The following LHX4 variants were observed in gnomAD, a reference collection of about 807,000 sequenced individuals.
The protein encoded by LHX4 is LIM/homeobox protein Lhx4.
LHX4 carries 16 observed loss-of-function variants against 39.2 expected under a neutral mutation model. The ratio of observed to expected loss-of-function variants is 0.41; its 90% CI spans 0.28 to 0.62. The LOEUF (loss-of-function observed/expected upper bound fraction) is 0.62. Among genes scored for constraint, LHX4 ranks in the 20% least tolerant of loss-of-function variants. The pLI, the probability that LHX4 is intolerant of heterozygous loss-of-function variation, is 0.33. For synonymous variants in LHX4, 206 were observed against 198.1 expected, an observed-to-expected ratio of 1.04 and a Z score of -0.33; for missense variants, 439 against 511.9, an observed-to-expected ratio of 0.86 and a Z score of 1.37.
intron 3 of LHX4, chr1:180,270,741 T>C (rs971461114): frequency 1.3e-5 from 2 of 157,064 alleles, no homozygotes; most frequent in Non-Finnish European, 2.8e-5. Flanking sequence ...TTTAATGAAA[T>C]GATCTTGCCA....
chr1:180,241,426 T>C (rs1047300891), intron 1 of LHX4, among the ~76,000 whole-genome samples: 6 of 152,192 alleles, frequency 3.9e-5, no homozygotes, highest in Admixed American at 3.9e-4. Context: ...TGATACACTT[T>C]ATAGACATGC....
At chr1:180,255,364 GCACA>G (rs71785064) in intron 2 of LHX4, among the ~76,000 whole-genome samples, 3 of 152,042 alleles carry the variant, frequency 2.0e-5, no homozygotes, top group East Asian at 1.9e-4. Context: ...ATGTATACAC[GCACA>G]CACACATGCA....
chr1:180,258,548 G>C (rs1186873086), intron 2 of LHX4, among the ~76,000 whole-genome samples: 1 of 152,198 alleles, frequency 6.6e-6, no homozygotes, highest in African/African-American at 2.4e-5. Flanking sequence ...GGGCGGAAGC[G>C]GGGAGACTGT....
At chr1:180,229,846 C>A (rs559231457), upstream of LHX4, among the ~76,000 whole-genome samples, 679 of 151,852 alleles carry the variant, frequency 4.5e-3, 7 homozygotes, top group African/African-American at 0.016. Flanking sequence ...CCACGAAGAC[C>A]CGCAAACCCA....
At chr1:180,238,436 G>C (rs922630671) in intron 1 of LHX4, among the ~76,000 whole-genome samples, 1 of 152,212 alleles carries the variant, frequency 6.6e-6, no homozygotes, top group African/African-American at 2.4e-5. Context: ...TAGATAAAAA[G>C]ACGTGAGTAC....
chr1:180,229,143 T>C (rs1007545976), upstream of LHX4, among the ~76,000 whole-genome samples: 3 of 152,222 alleles, frequency 2.0e-5, no homozygotes, highest in African/African-American at 7.2e-5. Flanking sequence ...TCCATGCATC[T>C]CGTAAATACA....
chr1:180,230,410 C>T lies in LHX4; in HGVS notation c.-120C>T, dbSNP rs355625. The T allele has an allele frequency of 6.2e-3, 5,311 of 857,602 alleles. 159 individuals are homozygous for T. The African/African-American group carries it at 0.073, about 12-fold the overall frequency. The allele number at this position is 857,602 out of a possible 1,614,324, so 53.1% of individuals were successfully genotyped here. A position where few individuals can be genotyped will look rare whatever the true frequency, so the allele number is the denominator to read the frequency against. ...CCCTGAGAAGCGGAGGGCCCGGCTT[C>T]CACCGTGACTCCAGCGGCCTGCTTG... On this transcript the variant is annotated 5_prime_UTR_variant, in exon 1 of 6. Coordinates refer to ENST00000263726, the MANE Select transcript of LHX4 (RefSeq NM_033343.4). The surrounding 1 kb of genome is among the most constrained non-coding windows in gnomAD (Gnocchi z 5.8).
intron 2 of LHX4, among the ~76,000 whole-genome samples, chr1:180,264,378 AACACACACACAC>A (rs10561933): frequency 2.3e-4 from 33 of 145,398 alleles, no homozygotes; most frequent in Middle Eastern, 3.6e-3. Flanking sequence ...ACACACACAT[AACACACACACAC>A]ACACACACAC....
rs1649076740 is a variant in LHX4 at position 180,276,991 on chromosome 1, C to T, written c.*2412C>T. The T allele has an allele frequency of 6.6e-6, 1 of 152,198 alleles. No homozygotes were observed. The highest frequency in any genetic ancestry group is 2.4e-5 in the African/African-American group (1 of 41,430). The allele number at this position is 152,198 out of a possible 1,614,324, so 9.4% of individuals were successfully genotyped here. ...AATATAATAAATCTCTTGAGGAACT[C>T]AGTGAGCAGTTGACGAGGTCAATAG... is the stretch of plus-strand genomic sequence containing the variant. On this transcript the variant is annotated 3_prime_UTR_variant, in exon 6 of 6. Transcript: ENST00000263726.
intron 2 of LHX4, among the ~76,000 whole-genome samples, chr1:180,253,174 C>T (rs183424676): frequency 2.6e-5 from 4 of 152,276 alleles, no homozygotes; most frequent in Non-Finnish European, 4.4e-5. Context: ...GCAATGACTC[C>T]TCGTGTCGCA....
chr1:180,249,723 G>C (rs1427027837), intron 2 of LHX4, among the ~76,000 whole-genome samples: 1 of 152,214 alleles, frequency 6.6e-6, no homozygotes, highest in Non-Finnish European at 1.5e-5. Flanking sequence ...GAATATCTGA[G>C]GATTCTCACA....
At chr1:180,239,783 C>T (rs1455939278) in intron 1 of LHX4, among the ~76,000 whole-genome samples, 1 of 152,180 alleles carries the variant, frequency 6.6e-6, no homozygotes, top group African/African-American at 2.4e-5. Context: ...ATGAGCTTGC[C>T]AATTTGAAAG....
At position 180,277,502 on chromosome 1, in the gene LHX4, C is replaced by T. The variant is rs1391987506; in HGVS notation, c.*2923C>T. On this transcript the variant is annotated 3_prime_UTR_variant, in exon 6 of 6. Coordinates refer to ENST00000263726, the MANE Select transcript of LHX4 (RefSeq NM_033343.4). ...ATCCAGGAGCAAATTAGTTAAAACCCCAAGTTCCAGTGGTAACTGGTATAA... is the reference window on the plus strand; with the variant it reads ...ATCCAGGAGCAAATTAGTTAAAACCTCAAGTTCCAGTGGTAACTGGTATAA... 6.6e-6 allele frequency: 1 copy of T among 152,122 alleles called. No homozygotes were observed. Among genetic ancestry groups the T allele is most frequent in the Non-Finnish European group, 1.5e-5 (1 of 68,032 alleles). The allele number at this position is 152,122 out of a possible 1,614,324, so 9.4% of individuals were successfully genotyped here.
rs1451085899 is a variant in LHX4, at chr1:180,278,192, G to GGCC, written c.*3613_*3614insGCC. On this transcript the variant is annotated 3_prime_UTR_variant, in exon 6 of 6. Transcript: ENST00000263726. ...GCCAGCAGGGTCTGGAAGGCCTGAG[G>GGCC]AGGCTCATTTTTAAACACTGCACTT... is the stretch of plus-strand genomic sequence containing the variant. The GGCC allele has an allele frequency of 6.6e-6, 1 of 152,156 alleles. No homozygotes were observed. Among genetic ancestry groups the GGCC allele is most frequent in the Non-Finnish European group, 1.5e-5 (1 of 68,032 alleles). 9.4% of individuals were successfully genotyped at this position (152,156 alleles called of 1,614,324 possible).
At chr1:180,257,592 T>C (rs904834299) in intron 2 of LHX4, among the ~76,000 whole-genome samples, 6 of 152,220 alleles carry the variant, frequency 3.9e-5, no homozygotes, top group African/African-American at 7.2e-5. Context: ...GTTGGAAATA[T>C]TGGTACATAC....
chr1:180,274,608 C>T lies in LHX4; in HGVS notation c.*29C>T. The T allele has an allele frequency of 6.5e-7, 1 of 1,528,496 alleles. No individual in the cohort carries two copies. The highest frequency in any genetic ancestry group is 8.8e-7 in the Non-Finnish European group (1 of 1,141,842). The allele number at this position is 1,528,496 out of a possible 1,614,324, so 94.7% of individuals were successfully genotyped here. On this transcript the variant is annotated 3_prime_UTR_variant, in exon 6 of 6. Coordinates refer to ENST00000263726, the MANE Select transcript of LHX4 (RefSeq NM_033343.4). ...TCTCTCCTCCCCACCCTACCTGCCC[C>T]CCTGGCTTGAGAGAATATCTTCAAG...
chr1:180,271,268 C>A, intron 3 of LHX4, 112 bp from the exon 4 acceptor site: 2 of 1,233,780 alleles, frequency 1.6e-6, no homozygotes, highest in South Asian at 1.2e-5. Flanking sequence ...CTCGCGCTGT[C>A]CTGCCTACAG....
At chr1:180,242,867 T>C (rs1664472844) in intron 1 of LHX4, among the ~76,000 whole-genome samples, 1 of 152,238 alleles carries the variant, frequency 6.6e-6, no homozygotes, top group Non-Finnish European at 1.5e-5. Context: ...TTGTCTTTAG[T>C]GACTCCAAGC....
intron 1 of LHX4, among the ~76,000 whole-genome samples, chr1:180,239,333 A>G (rs1036144252): frequency 1.3e-5 from 2 of 152,236 alleles, no homozygotes; most frequent in Non-Finnish European, 2.9e-5. Flanking sequence ...AATGTCTGCA[A>G]TTTGTTGTTT....
Sources: gnomAD v4.1 joint callset for allele counts (sites outside exome capture counted in the v4.1 genomes callset) on GRCh38, gnomAD v4.1.1 for gene constraint, Gnocchi (gnomAD v3.1) non-coding constraint, MANE v1.5 for transcripts, NCBI Gene and HGNC (gene_info 2026-07-23, HGNC 2026-07-21) for gene names.